Variants in ZNF24 observed in about 807,000 individuals in gnomAD.
The protein encoded by ZNF24 is retinoic acid suppression protein A.
Under a neutral mutation model 40.9 loss-of-function variants are expected in ZNF24, and 11 were observed. The ratio of observed to expected loss-of-function variants is 0.27; its 90% CI spans 0.17 to 0.45. The LOEUF (loss-of-function observed/expected upper bound fraction) is 0.45. ZNF24 is among the 20% of genes least tolerant of loss of function. The pLI, the probability that ZNF24 is intolerant of heterozygous loss-of-function variation, is 1.00. For missense variants in ZNF24, 293 were observed against 437.7 expected, an observed-to-expected ratio of 0.67 and a Z score of 2.95; for synonymous variants, 139 against 154.7, an observed-to-expected ratio of 0.90 and a Z score of 0.75.
chr18:35,337,924 T>G, intron 3 of ZNF24, 154 bp from the exon 4 acceptor site: 1 of 622,926 alleles, frequency 1.6e-6, no homozygotes, highest in Non-Finnish European at 2.5e-6. Context: ...AAAGAAAAAA[T>G]GAAATTACTC....
chr18:35,335,375 T>C lies in ZNF24; in HGVS notation c.*1857A>G, dbSNP rs1788992848. The stretch of plus-strand genomic sequence containing the variant: ...TACATATTTATACTTCAATAAATCT[T>C]AATCTATAAAGCACATTTTTTATAA... On this transcript the variant is annotated 3_prime_UTR_variant, in exon 4 of 4. Transcript: ENST00000261332. 1 of 152,250 alleles carries C rather than the reference T, an allele frequency of 6.6e-6. No homozygotes were observed. The highest frequency in any genetic ancestry group is 1.5e-5 in the Non-Finnish European group (1 of 68,042). 9.4% of individuals were successfully genotyped at this position (152,250 alleles called of 1,614,324 possible). A position where few individuals can be genotyped will look rare whatever the true frequency, so the allele number is the denominator to read the frequency against.
rs1432292612 is a variant in ZNF24 at position 35,340,640 on chromosome 18, T to C, written c.11A>G (p.Gln4Arg). 1 of 1,612,408 alleles carries C rather than the reference T, an allele frequency of 6.2e-7. No homozygotes were observed. The highest frequency in any genetic ancestry group is 8.5e-7 in the Non-Finnish European group (1 of 1,179,640). The change falls in exon 2 of 4, where the codon CAG (glutamine) becomes CGG (arginine). Residue 4 changes from glutamine (Q) to arginine (R), a missense_variant. By Grantham distance (43) the Gln-to-Arg change is conservative (BLOSUM62 1). Transcript: ENST00000261332. This position sits in a 1 kb window ranked among gnomAD's most constrained non-coding sequence, Gnocchi z 4.6. MSAQSVEEDSILII... is the reference protein window; with the variant it reads MSARSVEEDSILII... The stretch of plus-strand genomic sequence containing the variant: ...AAGTATTGAATCTTCTTCCACTGAC[T>C]GTGCAGACATTCTGATTTATAATAT...
At chr18:35,338,967 C>A in intron 3 of ZNF24, 1 of 1,517,868 alleles carries the variant, frequency 6.6e-7, no homozygotes, top group Non-Finnish European at 8.8e-7. Context: ...CAGCCCCACC[C>A]CAAAAGTTGA....
intron 1 of ZNF24, among the ~76,000 whole-genome samples, chr18:35,343,029 G>A (rs1259607253): frequency 6.6e-6 from 1 of 152,020 alleles, no homozygotes; most frequent in Admixed American, 6.5e-5. Flanking sequence ...AGGAAGGTTC[G>A]CTTTATTATT....
In ZNF24 at chr18:35,340,041, A is replaced by G; in HGVS notation, c.421-65T>C. ...TGAGAATCAGAACTAAAAACACGTA[A>G]GAGAAACCCCATGAAACAAATACTG... On this transcript the variant is annotated intron_variant, in intron 2 of 3. Transcript: ENST00000261332. This position sits in a 1 kb window ranked among gnomAD's most constrained non-coding sequence, Gnocchi z 4.6. 1 of 1,556,104 alleles carries G rather than the reference A, an allele frequency of 6.4e-7. No individual in the cohort carries two copies. Among genetic ancestry groups the G allele is most frequent in the Non-Finnish European group, 8.7e-7 (1 of 1,142,902 alleles).
intron 1 of ZNF24, among the ~76,000 whole-genome samples, chr18:35,343,273 T>G (rs1642744219): frequency 6.6e-6 from 1 of 152,192 alleles, no homozygotes; most frequent in African/African-American, 2.4e-5. Flanking sequence ...TGATAGGCAT[T>G]AATCACAGAA....
At position 35,336,338 on chromosome 18, in the gene ZNF24, T is replaced by C. The variant is rs1463234525; in HGVS notation, c.*894A>G. The C allele has an allele frequency of 6.6e-6, 1 of 152,670 alleles. No homozygotes were observed. Among genetic ancestry groups the C allele is most frequent in the East Asian group, 1.9e-4 (1 of 5,186 alleles). 9.5% of individuals were successfully genotyped at this position (152,670 alleles called of 1,614,324 possible). On this transcript the variant is annotated 3_prime_UTR_variant, in exon 4 of 4. Coordinates refer to ENST00000261332, the MANE Select transcript of ZNF24 (RefSeq NM_006965.4). ...AACAAAGATGAAGGCAAAATAATGA[T>C]GAACTCTATCATCTTTTTCTAAAAG...
At chr18:35,342,132 G>A (rs991623679) in intron 1 of ZNF24, among the ~76,000 whole-genome samples, 1 of 152,010 alleles carries the variant, frequency 6.6e-6, no homozygotes, top group Non-Finnish European at 1.5e-5. Context: ...CGAGGTGGAG[G>A]CTGCAGTGAG....
At chr18:35,338,590 A>G (rs2044934104) in intron 3 of ZNF24, 11 of 989,520 alleles carry the variant, frequency 1.1e-5, no homozygotes, top group Non-Finnish European at 1.3e-5. Context: ...TCCAGTTCAT[A>G]TAGGGTTAGC....
chr18:35,338,189 G>A, intron 3 of ZNF24: 1 of 986,644 alleles, frequency 1.0e-6, no homozygotes, highest in Non-Finnish European at 1.2e-6. Flanking sequence ...ATACAAAGAT[G>A]TAAATTAGAA....
intron 3 of ZNF24, among the ~76,000 whole-genome samples, chr18:35,339,478 G>A (rs1363611399): frequency 6.6e-6 from 1 of 152,148 alleles, no homozygotes; most frequent in African/African-American, 2.4e-5. Context: ...TGTACCAATG[G>A]AATTAGGCAG....
chr18:35,340,870 C>A lies in ZNF24; in HGVS notation c.-83-137G>T. On this transcript the variant is annotated intron_variant, in intron 1 of 3. Transcript: ENST00000261332. The surrounding 1 kb of genome is among the most constrained non-coding windows in gnomAD (Gnocchi z 4.6). ...ATAACCTACACCAGGAATTGGCAAA[C>A]TACAGCTTCACGGCCAAATCTAGCC... The A allele has an allele frequency of 3.8e-6, 2 of 523,072 alleles. No homozygotes were observed. The highest frequency in any genetic ancestry group is 5.5e-5 in the South Asian group (2 of 36,432). 32.4% of individuals were successfully genotyped at this position (523,072 alleles called of 1,614,324 possible). A position where few individuals can be genotyped will look rare whatever the true frequency, so the allele number is the denominator to read the frequency against.
chr18:35,337,833 A>G, intron 3 of ZNF24, 63 bp from the exon 4 acceptor site: 1 of 1,463,134 alleles, frequency 6.8e-7, no homozygotes, highest in Non-Finnish European at 9.0e-7. Flanking sequence ...AACCTAAAAA[A>G]AATTTTTTTT....
rs779913471 is a variant in ZNF24, at chr18:35,339,792, T to C, written c.568+37A>G. 18 of 1,553,088 alleles carry C rather than the reference T, an allele frequency of 1.2e-5. 1 individual carries two copies. The South Asian group carries it at 2.2e-4, about 19-fold the overall frequency. ...TTCTGAACAAAAGGCCTATACTCTC[T>C]TTCACCCTCTAGCCCACACAGAGTT... is the stretch of plus-strand genomic sequence containing the variant. On this transcript the variant is annotated intron_variant, in intron 3 of 3. Coordinates refer to ENST00000261332, the MANE Select transcript of ZNF24 (RefSeq NM_006965.4).
intron 3 of ZNF24, 44 bp from the exon 4 acceptor site, chr18:35,337,814 G>A: frequency 7.3e-7 from 1 of 1,372,766 alleles, no homozygotes; most frequent in Non-Finnish European, 9.3e-7. Flanking sequence ...TATCTATTAA[G>A]GGAAAAGAAA....
At chr18:35,342,937 G>A (rs574769017) in intron 1 of ZNF24, among the ~76,000 whole-genome samples, 1 of 152,256 alleles carries the variant, frequency 6.6e-6, no homozygotes, top group African/African-American at 2.4e-5. Flanking sequence ...CTACTTCAGT[G>A]CTTTCTAAAT....
At position 35,335,349 on chromosome 18, in the gene ZNF24, C is replaced by T. The variant is rs934732126; in HGVS notation, c.*1883G>A. The T allele has an allele frequency of 2.0e-5, 3 of 152,310 alleles. No individual in the cohort carries two copies. Among genetic ancestry groups the T allele is most frequent in the African/African-American group, 7.2e-5 (3 of 41,568 alleles). The allele number at this position is 152,310 out of a possible 1,614,324, so 9.4% of individuals were successfully genotyped here. On this transcript the variant is annotated 3_prime_UTR_variant, in exon 4 of 4. Transcript: ENST00000261332. ...TAACTTAAAATACATTATATCATTACTACATATTTATACTTCAATAAATCT... is the reference window on the plus strand; with the variant it reads ...TAACTTAAAATACATTATATCATTATTACATATTTATACTTCAATAAATCT...
intron 3 of ZNF24, among the ~76,000 whole-genome samples, 185 bp downstream of exon 3, chr18:35,339,644 G>C (rs1469611919): frequency 6.6e-6 from 1 of 152,194 alleles, no homozygotes; most frequent in Non-Finnish European, 1.5e-5. Context: ...GGGAAGAAAA[G>C]GCTGAAGATG....
chr18:35,338,574 T>A, intron 3 of ZNF24: 1 of 987,240 alleles, frequency 1.0e-6, no homozygotes, highest in Non-Finnish European at 1.2e-6. Flanking sequence ...CCTTAAGGAG[T>A]AAAGATCCAG....
Sources: allele counts gnomAD v4.1 joint callset (sites outside exome capture counted in the v4.1 genomes callset), GRCh38; gene constraint gnomAD v4.1.1; non-coding constraint Gnocchi (gnomAD v3.1); transcripts MANE v1.5; gene names NCBI Gene and HGNC (gene_info 2026-07-23, HGNC 2026-07-21).